Variants in RAB3D observed in about 807,000 individuals in gnomAD.
RAB3D encodes the protein ras-related protein Rab-3D.
In RAB3D, 17 loss-of-function variants were observed where a neutral mutation model predicts 19.3. The observed-to-expected ratio is 0.88, with a 90% CI of 0.60 to 1.32. RAB3D has a LOEUF of 1.32. Among genes scored for constraint, RAB3D ranks in the 40% most tolerant of loss-of-function variants. The pLI, the probability that RAB3D is intolerant of heterozygous loss-of-function variation, is 0.00. For missense variants in RAB3D, 223 were observed against 299.1 expected (o/e 0.75, Z 1.88); for synonymous variants, 103 against 119.9 (o/e 0.86, Z 0.92).
chr19:11,331,118 C>T (rs998653544), intron 4 of RAB3D, among the ~76,000 whole-genome samples: 1 of 151,870 alleles, frequency 6.6e-6, no homozygotes, highest in Non-Finnish European at 1.5e-5. Context: ...ATAGTGAAAC[C>T]CCATCTCTAC....
At chr19:11,335,422 C>G (rs2080848755) in intron 4 of RAB3D, 25 bp downstream of exon 4, 1 of 1,612,932 alleles carries the variant, frequency 6.2e-7, no homozygotes, top group African/African-American at 1.3e-5. Context: ...GAGACCAGGG[C>G]CTGTGGCCCA....
At chr19:11,338,053 G>C (rs181079435) in intron 1 of RAB3D, among the ~76,000 whole-genome samples, 2 of 152,328 alleles carry the variant, frequency 1.3e-5, no homozygotes, top group East Asian at 3.9e-4. Flanking sequence ...GCTGTGAATA[G>C]GACAAGAAAA....
At chr19:11,327,259 A>G (rs1322690501) in intron 4 of RAB3D, among the ~76,000 whole-genome samples, 1 of 152,232 alleles carries the variant, frequency 6.6e-6, no homozygotes, top group Non-Finnish European at 1.5e-5. Context: ...GAATGGGTAA[A>G]TGAACAATAG....
Position 11,339,520 on chromosome 19 carries a change from C to T in RAB3D, c.-113G>A, listed in dbSNP as rs1316088012. The T allele has an allele frequency of 6.6e-6, 1 of 152,436 alleles. No homozygotes were observed. The highest frequency in any genetic ancestry group is 1.5e-5 in the Non-Finnish European group (1 of 68,216). 9.4% of individuals were successfully genotyped at this position (152,436 alleles called of 1,614,324 possible). On this transcript the variant is annotated 5_prime_UTR_variant, in exon 1 of 5. Coordinates refer to ENST00000222120, the MANE Select transcript of RAB3D (RefSeq NM_004283.4). ...GGCTGCGCTCCTTCCCAGGGGTGAC[C>T]TCGCGTAGGGGGCGCCGCCTGCAGG...
chr19:11,327,704 T>C (rs1163675460), intron 4 of RAB3D, among the ~76,000 whole-genome samples: 1 of 152,120 alleles, frequency 6.6e-6, no homozygotes, highest in African/African-American at 2.4e-5. Flanking sequence ...CAGCTTATTT[T>C]TCTGATATTA....
intron 4 of RAB3D, among the ~76,000 whole-genome samples, chr19:11,327,813 T>C (rs868178748): frequency 2.0e-5 from 3 of 152,156 alleles, no homozygotes; most frequent in African/African-American, 2.4e-5. Flanking sequence ...CTGGGTAACA[T>C]AGGGAGACCC....
At position 11,335,580 on chromosome 19, in the gene RAB3D, T is replaced by C. The variant is rs1055968609; in HGVS notation, c.348-9A>G. On this transcript the variant is annotated splice_polypyrimidine_tract_variant and intron_variant, in intron 3 of 4. Transcript: ENST00000222120. ...TCTTGATTTGCGTGGCCCTGCAGAG[T>C]TACCAGTGGTGAGCCATGAGCCGGG... 4 of 1,613,838 alleles carry C rather than the reference T, an allele frequency of 2.5e-6. No individual in the cohort carries two copies. Among genetic ancestry groups the C allele is most frequent in the Admixed American group, 3.3e-5 (2 of 59,986 alleles).
At chr19:11,326,371 A>G (rs1423221400) in intron 4 of RAB3D, among the ~76,000 whole-genome samples, 1 of 152,108 alleles carries the variant, frequency 6.6e-6, no homozygotes, top group Non-Finnish European at 1.5e-5. Context: ...ATGGAGCAAG[A>G]CCCTGTCTCA....
chr19:11,334,622 C>A, intron 4 of RAB3D, among the ~76,000 whole-genome samples: 1 of 151,472 alleles, frequency 6.6e-6, no homozygotes, highest in Non-Finnish European at 1.5e-5. Context: ...GACCCTATCT[C>A]CACGCAAAAT....
At chr19:11,335,353 A>C in intron 4 of RAB3D, 94 bp downstream of exon 4, 1 of 1,535,898 alleles carries the variant, frequency 6.5e-7, no homozygotes, top group Non-Finnish European at 8.8e-7. Flanking sequence ...AGATCCTCAA[A>C]GGATCAGTGA....
chr19:11,336,454 G>A (rs568396699), intron 2 of RAB3D, among the ~76,000 whole-genome samples: 3 of 152,102 alleles, frequency 2.0e-5, no homozygotes, highest in South Asian at 2.1e-4. Context: ...GACTACAGGC[G>A]GGAGCTACCA....
chr19:11,339,221 A>G (rs1048820279), intron 1 of RAB3D, among the ~76,000 whole-genome samples: 2 of 151,498 alleles, frequency 1.3e-5, no homozygotes, highest in African/African-American at 4.8e-5. Context: ...CTGGCCCCGG[A>G]GGGCTCGCCT....
At chr19:11,330,441 GT>G (rs1415525893) in intron 4 of RAB3D, among the ~76,000 whole-genome samples, 1 of 152,226 alleles carries the variant, frequency 6.6e-6, no homozygotes, top group Non-Finnish European at 1.5e-5. Flanking sequence ...CTGAGCACGG[GT>G]GTGAGTTCAC....
intron 2 of RAB3D, 96 bp downstream of exon 2, chr19:11,337,076 A>G (rs1309326080): frequency 8.5e-6 from 9 of 1,059,404 alleles, no homozygotes; most frequent in Non-Finnish European, 1.1e-5. Flanking sequence ...CCTGGGCAAC[A>G]GAGTGAGACT....
In RAB3D at chr19:11,322,852, TATTCAAGAC is replaced by T. The variant is rs1329698684; in HGVS notation, c.*2537_*2545del. ...AGGTGATTACAGGTTAGCTCTGCCC[TATTCAAGAC>T]AATCTGATCCATTCCTTTTTTTGAC... On this transcript the variant is annotated 3_prime_UTR_variant, in exon 5 of 5. Coordinates refer to ENST00000222120, the MANE Select transcript of RAB3D (RefSeq NM_004283.4). 1.3e-5 allele frequency: 2 copies of T among 152,240 alleles called. No individual in the cohort carries two copies. The highest frequency in any genetic ancestry group is 4.8e-5 in the African/African-American group (2 of 41,478). 9.4% of individuals were successfully genotyped at this position (152,240 alleles called of 1,614,324 possible). A position where few individuals can be genotyped will look rare whatever the true frequency, so the allele number is the denominator to read the frequency against.
At chr19:11,336,501 G>C (rs933678792) in intron 2 of RAB3D, among the ~76,000 whole-genome samples, 1 of 151,914 alleles carries the variant, frequency 6.6e-6, no homozygotes, top group Admixed American at 6.6e-5. Context: ...TTAGAGATGA[G>C]ATCTCGCTAT....
At chr19:11,325,613 C>G (rs759980163) in intron 4 of RAB3D, 28 bp from the exon 5 acceptor site, 2 of 1,449,436 alleles carry the variant, frequency 1.4e-6, no homozygotes, top group South Asian at 2.3e-5. Flanking sequence ...TGGGGACACT[C>G]GTAAGACCCC....
intron 2 of RAB3D, among the ~76,000 whole-genome samples, chr19:11,336,569 A>G (rs1408864315): frequency 6.6e-6 from 1 of 151,974 alleles, no homozygotes; most frequent in Non-Finnish European, 1.5e-5. Flanking sequence ...TCAGCCTCCC[A>G]AAGTGTTGGG....
At chr19:11,334,321 T>C (rs2080844662) in intron 4 of RAB3D, among the ~76,000 whole-genome samples, 1 of 151,086 alleles carries the variant, frequency 6.6e-6, no homozygotes, top group South Asian at 2.1e-4. Flanking sequence ...AATACAAAAA[T>C]GAGTCAGGCA....
Sources: allele counts gnomAD v4.1 joint callset (sites outside exome capture counted in the v4.1 genomes callset), GRCh38; gene constraint gnomAD v4.1.1; transcripts MANE v1.5; gene names NCBI Gene and HGNC (gene_info 2026-07-23, HGNC 2026-07-21).